The following SNX29 variants were observed in gnomAD, a reference collection of about 807,000 sequenced individuals.
SNX29 encodes the protein sorting nexin 29, also known as sorting nexin-29.
In SNX29, 78 loss-of-function variants were observed where a neutral mutation model predicts 102.1. The observed-to-expected ratio is 0.76, with a 90% CI of 0.64 to 0.92. The LOEUF is 0.92. Among genes scored for constraint, SNX29 ranks in the 40% least tolerant of loss-of-function variants. The probability of loss-of-function intolerance (pLI) is 0.00; values close to 1 mark genes in which losing one functional copy is unlikely to be tolerated. For synonymous variants in SNX29, 580 were observed against 414.5 expected, an observed-to-expected ratio of 1.40 and a Z score of -4.85; for missense variants, 1,280 against 1,061.7, an observed-to-expected ratio of 1.21 and a Z score of -2.86.
At chr16:12,362,553 T>TC (rs1199911670) in intron 16 of SNX29, among the ~76,000 whole-genome samples, 836 of 10,978 alleles carry the variant, frequency 0.076, 99 homozygotes, top group African/African-American at 0.11. Flanking sequence ...GCTGCTGCAC[T>TC]CCCCCCCCAC....
chr16:12,544,183 G>C (rs1015067301), intron 20 of SNX29, among the ~76,000 whole-genome samples: 14 of 152,188 alleles, frequency 9.2e-5, no homozygotes, highest in Admixed American at 1.3e-4. Context: ...TCGGTGGTGT[G>C]CACATCAGCC....
intron 15 of SNX29, among the ~76,000 whole-genome samples, chr16:12,298,781 G>A (rs1324309994): frequency 1.3e-5 from 2 of 152,088 alleles, no homozygotes; most frequent in Non-Finnish European, 2.9e-5. Flanking sequence ...GGGGCCCAGG[G>A]GTGACGATGT....
rs141996460 is a variant in SNX29 at position 12,524,129 on chromosome 16, G to A, written c.2179-573G>A. Among the ~76,000 whole-genome samples the A allele has an allele frequency of 1.0e-3, 159 of 152,158 alleles. 1 individual carries two copies. The East Asian group carries it at 0.024, about 23-fold the overall frequency. On this transcript the variant is annotated intron_variant, in intron 19 of 20. Transcript: ENST00000566228. ...TCAAACTCCCAGCCTCAGGTGATCC[G>A]CCCGCGTCTGCATCGTGGCCCACGC...
At chr16:12,332,226 G>A (rs1164435128) in intron 15 of SNX29, among the ~76,000 whole-genome samples, 1 of 152,162 alleles carries the variant, frequency 6.6e-6, no homozygotes, top group Non-Finnish European at 1.5e-5. Context: ...TGCGTGCGGT[G>A]TGTGCACTTG....
chr16:12,385,534 C>A (rs1567509237), intron 16 of SNX29, among the ~76,000 whole-genome samples: 1 of 152,230 alleles, frequency 6.6e-6, no homozygotes, highest in African/African-American at 2.4e-5. Context: ...GGGCCCTCAC[C>A]CGGACTGTGT....
Position 12,027,017 on chromosome 16 carries a change from C to G in SNX29, c.123-303C>G, listed in dbSNP as rs139084878. 9.4e-3 allele frequency among the ~76,000 whole-genome samples: 1,431 copies of G among 152,320 alleles called. 17 individuals are homozygous for G. The highest frequency in any genetic ancestry group is 0.032 in the African/African-American group (1,347 of 41,566). On this transcript the variant is annotated intron_variant, in intron 3 of 20. Coordinates refer to ENST00000566228, the MANE Select transcript of SNX29 (RefSeq NM_032167.5). ...GATTGGTTTTTAACTTTTCCCCCCTCTGCACCCCCGCCAGCTGGCACCCGT... is the reference window on the plus strand; with the variant it reads ...GATTGGTTTTTAACTTTTCCCCCCTGTGCACCCCCGCCAGCTGGCACCCGT...
At chr16:12,543,499 G>C (rs1214057485) in intron 20 of SNX29, among the ~76,000 whole-genome samples, 8 of 152,202 alleles carry the variant, frequency 5.3e-5, no homozygotes, top group Non-Finnish European at 7.3e-5. Flanking sequence ...CACCTGTGCT[G>C]GCGAGTCATT....
chr16:12,468,752 C>T (rs1437754500), intron 18 of SNX29, among the ~76,000 whole-genome samples: 5 of 152,202 alleles, frequency 3.3e-5, no homozygotes, highest in Admixed American at 1.3e-4. Flanking sequence ...GGAGGGAACA[C>T]GCAGTTCTGC....
At chr16:12,430,140 G>A (rs2085251746) in intron 18 of SNX29, among the ~76,000 whole-genome samples, 1 of 152,220 alleles carries the variant, frequency 6.6e-6, no homozygotes, top group Non-Finnish European at 1.5e-5. Context: ...TGCTCCTTAT[G>A]AGAATCTAAT....
rs1193725710 is a variant in SNX29, at chr16:12,460,060, T to A, written c.2038-17659T>A. Among the ~76,000 whole-genome samples the A allele has an allele frequency of 3.3e-5, 5 of 152,194 alleles. No homozygotes were observed. In the South Asian group the frequency reaches 8.3e-4, roughly 25 times the overall value. The stretch of plus-strand genomic sequence containing the variant: ...AAGCTCCTGATTCTGTAAAGCATAG[T>A]TAGCTGTGGCAGGAGGGAGAGGGCC... On this transcript the variant is annotated intron_variant, in intron 18 of 20. Coordinates refer to ENST00000566228, the MANE Select transcript of SNX29 (RefSeq NM_032167.5).
chr16:12,553,545 G>A (rs2078126261), intron 20 of SNX29, among the ~76,000 whole-genome samples: 1 of 152,126 alleles, frequency 6.6e-6, no homozygotes, highest in African/African-American at 2.4e-5. Context: ...ACAGAGCACT[G>A]CAGGGAGCTA....
intron 13 of SNX29, among the ~76,000 whole-genome samples, chr16:12,161,099 C>G (rs2055765794): frequency 6.6e-6 from 1 of 152,208 alleles, no homozygotes; most frequent in African/African-American, 2.4e-5. Context: ...TTTTCACCTC[C>G]CTCTATCAGT....
chr16:12,386,592 C>T (rs2083349557), intron 16 of SNX29, among the ~76,000 whole-genome samples: 1 of 152,122 alleles, frequency 6.6e-6, no homozygotes. Flanking sequence ...TAGCAGGGTT[C>T]TTGGTAAGAT....
chr16:12,536,974 C>G (rs574972920), intron 20 of SNX29, among the ~76,000 whole-genome samples: 1 of 148,906 alleles, frequency 6.7e-6, no homozygotes, highest in Admixed American at 6.7e-5. Flanking sequence ...AGAGAGAACC[C>G]GTCTTAAAAA....
intron 15 of SNX29, among the ~76,000 whole-genome samples, chr16:12,278,621 T>A (rs1212007392): frequency 1.3e-5 from 2 of 152,192 alleles, no homozygotes; most frequent in Non-Finnish European, 2.9e-5. Flanking sequence ...CTATTTATAT[T>A]TCCTGAGAGG....
At position 12,532,826 on chromosome 16, in the gene SNX29, C is replaced by T. The variant is rs8056757; in HGVS notation, c.2318+7985C>T. The stretch of plus-strand genomic sequence containing the variant: ...GAAAGCTGAAGACAGCCTGGTCAGC[C>T]TAGCGAGGGGAGCCAGTGTCTCCCA... On this transcript the variant is annotated intron_variant, in intron 20 of 20. Transcript: ENST00000566228. Among the ~76,000 whole-genome samples, 628 of 152,260 alleles carry T rather than the reference C, an allele frequency of 4.1e-3. 3 individuals are homozygous for T. Among genetic ancestry groups the T allele is most frequent in the African/African-American group, 0.014 (591 of 41,554 alleles).
intron 20 of SNX29, among the ~76,000 whole-genome samples, chr16:12,563,832 G>A (rs72775223): frequency 6.6e-6 from 1 of 152,150 alleles, no homozygotes; most frequent in Non-Finnish European, 1.5e-5. Context: ...TATTCAGGCT[G>A]CCTGTAAATA....
At position 12,573,849 on chromosome 16, in the gene SNX29, A is replaced by T. The variant is rs779983442; in HGVS notation, c.*5220A>T. ...TTTTTATTATCCAGGACTCATCCTA[A>T]GAAGAATGTTGGCCTCTCTTCATCC... is the stretch of plus-strand genomic sequence containing the variant. On this transcript the variant is annotated 3_prime_UTR_variant, in exon 21 of 21. Transcript: ENST00000566228. 1.4e-5 allele frequency: 3 copies of T among 211,330 alleles called. No homozygotes were observed. The highest frequency in any genetic ancestry group is 2.9e-5 in the Non-Finnish European group (3 of 105,052). The allele number at this position is 211,330 out of a possible 1,614,324, so 13.1% of individuals were successfully genotyped here. A position where few individuals can be genotyped will look rare whatever the true frequency, so the allele number is the denominator to read the frequency against.
chr16:12,190,969 G>C (rs2076627442), intron 13 of SNX29, among the ~76,000 whole-genome samples: 1 of 152,148 alleles, frequency 6.6e-6, no homozygotes, highest in African/African-American at 2.4e-5. Context: ...TCTTAGGATT[G>C]ATTGTTTCAC....
Sources: gnomAD v4.1 joint callset for allele counts (sites outside exome capture counted in the v4.1 genomes callset) on GRCh38, gnomAD v4.1.1 for gene constraint, MANE v1.5 for transcripts, NCBI Gene and HGNC (gene_info 2026-07-23, HGNC 2026-07-21) for gene names.